Variants in UCP1 observed in about 807,000 individuals in gnomAD.
UCP1 encodes uncoupling protein 1.
UCP1 carries 24 observed loss-of-function variants against 26.2 expected under a neutral mutation model. The observed-to-expected ratio is 0.92, with a 90% CI of 0.66 to 1.29. UCP1 has a LOEUF of 1.29. UCP1 is among the 50% of genes most tolerant of loss of function. The pLI, the probability that UCP1 is intolerant of heterozygous loss-of-function variation, is 0.00. For synonymous variants in UCP1, 164 were observed against 156.8 expected (o/e 1.05, Z -0.34); for missense variants, 402 against 388.7 (o/e 1.03, Z -0.29).
chr4:140,560,105 T>C, intron 5 of UCP1, 95 bp from the exon 6 acceptor site: 5 of 1,031,114 alleles, frequency 4.8e-6, no homozygotes, highest in Non-Finnish European at 7.3e-6. Flanking sequence ...CAGGCTGGAA[T>C]GCAGTAGTGT....
Position 140,559,668 on chromosome 4 carries a change from A to G in UCP1, c.*228T>C, listed in dbSNP as rs1237472771. On this transcript the variant is annotated 3_prime_UTR_variant, in exon 6 of 6. Transcript: ENST00000262999. ...GTAGCTTATCTGCATTACATTTGCC[A>G]GGGTATATGCTGAATGTTTTGCTTT... The G allele has an allele frequency of 1.8e-6, 1 of 540,678 alleles. No homozygotes were observed. The highest frequency in any genetic ancestry group is 3.3e-6 in the Non-Finnish European group (1 of 304,916). The allele number at this position is 540,678 out of a possible 1,614,324, so 33.5% of individuals were successfully genotyped here.
chr4:140,562,474 T>C lies in UCP1; in HGVS notation c.629-101A>G, dbSNP rs2110908169. The C allele has an allele frequency of 7.8e-6, 9 of 1,157,678 alleles. 1 individual carries two copies. The South Asian group carries it at 1.2e-4, about 15-fold the overall frequency. The allele number at this position is 1,157,678 out of a possible 1,614,324, so 71.7% of individuals were successfully genotyped here. On this transcript the variant is annotated intron_variant, in intron 4 of 5. Transcript: ENST00000262999. ...AAACCTATTGATAACAGTAGGTCAA[T>C]GAAGATGTCTTATAAATAAATAAAA...
Position 140,568,752 on chromosome 4 carries a change from C to A in UCP1, c.-23G>T. 6.4e-7 allele frequency: 1 copy of A among 1,570,126 alleles called. No individual in the cohort carries two copies. The highest frequency in any genetic ancestry group is 8.6e-7 in the Non-Finnish European group (1 of 1,161,682). On this transcript the variant is annotated 5_prime_UTR_variant, in exon 1 of 6. Transcript: ENST00000262999. ...CATCTTCACTCAGAGACTGGAGATG[C>A]AGAGGAAAAGGGCTCCAGCCCCGAA...
intron 2 of UCP1, among the ~76,000 whole-genome samples, chr4:140,566,594 T>C (rs6822807): frequency 0.29 from 44,117 of 152,092 alleles, 6,511 homozygotes; most frequent in Admixed American, 0.37. Context: ...GTATAACTTA[T>C]ATATTTGTAT....
At chr4:140,560,127 A>G (rs1472690050) in intron 5 of UCP1, 117 bp from the exon 6 acceptor site, 1 of 834,642 alleles carries the variant, frequency 1.2e-6, no homozygotes, top group East Asian at 2.7e-5. Flanking sequence ...ATCATAGCTC[A>G]CTGCAACCTC....
At chr4:140,560,446 T>C (rs938788501) in intron 5 of UCP1, among the ~76,000 whole-genome samples, 1 of 152,190 alleles carries the variant, frequency 6.6e-6, no homozygotes, top group South Asian at 2.1e-4. Context: ...GACATGAACT[T>C]TTTCAAAAAC....
Position 140,559,928 on chromosome 4 carries a change from T to G in UCP1, c.892A>C (p.Lys298Gln). ...CFEQLKRELS[K>Q]SRQTMDCAT ...GCACAGTCCATAGTCTGCCTTGACT[T>G]TGACAGTTCTCGTTTCAGTTGTTCA... The change falls in exon 6 of 6, where the codon AAG (lysine) becomes CAG (glutamine). Residue 298 changes from lysine (K) to glutamine (Q), a missense_variant. By Grantham distance (53) the Lys-to-Gln change is moderately conservative. Transcript: ENST00000262999. The G allele has an allele frequency of 6.2e-7, 1 of 1,614,106 alleles. No homozygotes were observed.
chr4:140,559,520 G>T lies in UCP1; in HGVS notation c.*376C>A. ...ATATTTTTAATAACTTCATTTTTAA[G>T]TATTTATAAATATAAACTGCATTTC... On this transcript the variant is annotated 3_prime_UTR_variant, in exon 6 of 6. Transcript: ENST00000262999. 5.4e-6 allele frequency: 1 copy of T among 184,770 alleles called. No homozygotes were observed. Among genetic ancestry groups the T allele is most frequent in the Non-Finnish European group, 1.1e-5 (1 of 89,258 alleles). The allele number at this position is 184,770 out of a possible 1,614,324, so 11.4% of individuals were successfully genotyped here.
intron 2 of UCP1, 123 bp from the exon 3 acceptor site, chr4:140,563,641 T>A: frequency 1.1e-6 from 1 of 904,530 alleles, no homozygotes. Flanking sequence ...GGAGTCTTGC[T>A]CTGTTATCTA....
At chr4:140,562,622 CT>C (rs1182441312) in intron 4 of UCP1, among the ~76,000 whole-genome samples, 1 of 152,012 alleles carries the variant, frequency 6.6e-6, no homozygotes, top group Non-Finnish European at 1.5e-5. Context: ...GTAATAATGC[CT>C]AATATATGAG....
At chr4:140,564,894 A>T (rs997069929) in intron 2 of UCP1, among the ~76,000 whole-genome samples, 1 of 152,010 alleles carries the variant, frequency 6.6e-6, no homozygotes, top group African/African-American at 2.4e-5. Flanking sequence ...TACAAAACAT[A>T]TTGTTTGTCT....
At chr4:140,560,046 TTGA>T in intron 5 of UCP1, 36 bp from the exon 6 acceptor site, 1 of 1,581,512 alleles carries the variant, frequency 6.3e-7, no homozygotes, top group Non-Finnish European at 8.7e-7. Context: ...ATTAATTTGT[TTGA>T]TTTTTTTTTT....
At chr4:140,568,264 C>T (rs753755614) in intron 1 of UCP1, among the ~76,000 whole-genome samples, 5 of 151,878 alleles carry the variant, frequency 3.3e-5, no homozygotes, top group Admixed American at 6.6e-5. Context: ...ACAGAACCCC[C>T]GAAGAATCAA....
At chr4:140,565,599 C>T (rs933096378) in intron 2 of UCP1, among the ~76,000 whole-genome samples, 1 of 152,170 alleles carries the variant, frequency 6.6e-6, no homozygotes, top group Non-Finnish European at 1.5e-5. Flanking sequence ...CCTCCTGTCT[C>T]TGTGGCTTCA....
chr4:140,564,851 G>T (rs1735762507), intron 2 of UCP1, among the ~76,000 whole-genome samples: 1 of 144,820 alleles, frequency 6.9e-6, no homozygotes, highest in African/African-American at 2.6e-5. Context: ...CTGGAAAAGA[G>T]GCTTTTTTTT....
Position 140,559,921 on chromosome 4 carries a change from C to T in UCP1, c.899G>A (p.Arg300Lys), listed in dbSNP as rs1324264863. The change falls in exon 6 of 6, where the codon AGG becomes AAG. Residue 300 changes from arginine (R) to lysine (K), a missense_variant. Transcript: ENST00000262999. Reference protein sequence around the residue: ...EQLKRELSKSRQTMDCAT With the variant: ...EQLKRELSKSKQTMDCAT ...TTATGTGGCACAGTCCATAGTCTGC[C>T]TTGACTTTGACAGTTCTCGTTTCAG... is the stretch of plus-strand genomic sequence containing the variant. 3 of 1,613,856 alleles carry T rather than the reference C, an allele frequency of 1.9e-6. No homozygotes were observed. Among genetic ancestry groups the T allele is most frequent in the South Asian group, 2.2e-5 (2 of 91,084 alleles).
chr4:140,562,490 ATAAAT>A, intron 4 of UCP1, 117 bp from the exon 5 acceptor site: 3 of 1,014,428 alleles, frequency 3.0e-6, no homozygotes, highest in Non-Finnish European at 4.4e-6. Context: ...TGTCTTATAA[ATAAAT>A]AAAATAAAAT....
At position 140,567,707 on chromosome 4, in the gene UCP1, G is replaced by C. The variant is rs1310331359; in HGVS notation, c.325+72C>G. The C allele has an allele frequency of 5.7e-6, 9 of 1,573,780 alleles. No individual in the cohort carries two copies. In the Admixed American group the frequency reaches 8.3e-5, roughly 15 times the overall value. On this transcript the variant is annotated intron_variant, in intron 2 of 5. Transcript: ENST00000262999. ...AATTTGTTATGAAAACCACTCCTCT[G>C]TGTGTTACACTTTTTGGAACAGAGC...
intron 3 of UCP1, 48 bp downstream of exon 3, chr4:140,563,270 G>C (rs769644397): frequency 6.2e-7 from 1 of 1,612,324 alleles, no homozygotes; most frequent in South Asian, 1.1e-5. Context: ...GTTGCTAGTT[G>C]TATGTATGTG....
Sources: gnomAD v4.1 joint callset for allele counts (sites outside exome capture counted in the v4.1 genomes callset) on GRCh38, gnomAD v4.1.1 for gene constraint, MANE v1.5 for transcripts, NCBI Gene and HGNC (gene_info 2026-07-23, HGNC 2026-07-21) for gene names.